CCDC148: variants seen among roughly 807,000 people sequenced by gnomAD.
CCDC148 encodes coiled-coil domain containing 148.
Under a neutral mutation model 85.7 loss-of-function variants are expected in CCDC148, and 89 were observed. That is an observed-to-expected ratio of 1.04 (90% CI 0.87 to 1.24). The LOEUF (loss-of-function observed/expected upper bound fraction) is 1.24, where lower values mean the gene tolerates loss of function less well. CCDC148 is among the 50% of genes most tolerant of loss of function. CCDC148 has a pLI of 0.00. For synonymous variants in CCDC148, 230 were observed against 213.9 expected (o/e 1.08, Z -0.66); for missense variants, 692 against 671.7 (o/e 1.03, Z -0.33).
At chr2:158,319,853 A>G (rs369519468) in intron 7 of CCDC148, among the ~76,000 whole-genome samples, 2 of 152,292 alleles carry the variant, frequency 1.3e-5, no homozygotes, top group African/African-American at 4.8e-5. Flanking sequence ...GGGCAGACCA[A>G]TGATGTTCAA....
At chr2:158,239,169 C>A (rs975906763) in intron 10 of CCDC148, among the ~76,000 whole-genome samples, 1 of 152,078 alleles carries the variant, frequency 6.6e-6, no homozygotes, top group South Asian at 2.1e-4. Context: ...AAGACCTAGC[C>A]AGAAAGTACA....
chr2:158,202,153 G>C (rs999072361), intron 11 of CCDC148, among the ~76,000 whole-genome samples: 1 of 152,174 alleles, frequency 6.6e-6, no homozygotes, highest in Non-Finnish European at 1.5e-5. Flanking sequence ...AGGTGGGAGA[G>C]AAAGAAAAAT....
intron 1 of CCDC148, among the ~76,000 whole-genome samples, chr2:158,436,017 C>CAAT (rs1475443382): frequency 6.6e-6 from 1 of 152,128 alleles, no homozygotes; most frequent in African/African-American, 2.4e-5. Context: ...GACCCCCACA[C>CAAT]AATAATAATG....
intron 1 of CCDC148, among the ~76,000 whole-genome samples, chr2:158,376,023 A>G (rs910492497): frequency 3.9e-5 from 6 of 152,116 alleles, no homozygotes; most frequent in African/African-American, 1.4e-4. Context: ...AAAATCCTCA[A>G]CTGAGATAGA....
chr2:158,189,126 A>C (rs1366853102), intron 11 of CCDC148, among the ~76,000 whole-genome samples: 1 of 151,930 alleles, frequency 6.6e-6, no homozygotes, highest in Non-Finnish European at 1.5e-5. Context: ...GAAAGGGAAC[A>C]CTTATACATT....
intron 9 of CCDC148, among the ~76,000 whole-genome samples, chr2:158,288,216 G>C (rs748231381): frequency 5.3e-5 from 8 of 152,196 alleles, no homozygotes; most frequent in Non-Finnish European, 1.0e-4. Context: ...CTGTTGTGAA[G>C]ACCTCTGACA....
chr2:158,417,929 T>G (rs1559131403), intron 1 of CCDC148, among the ~76,000 whole-genome samples: 1 of 152,230 alleles, frequency 6.6e-6, no homozygotes, highest in Non-Finnish European at 1.5e-5. Context: ...TGCATCATTC[T>G]GCTCTTATAA....
intron 7 of CCDC148, among the ~76,000 whole-genome samples, chr2:158,335,316 C>T (rs1303511179): frequency 6.6e-6 from 1 of 152,204 alleles, no homozygotes; most frequent in East Asian, 1.9e-4. Flanking sequence ...TAACCCTACT[C>T]ATTCTTCAAA....
intron 11 of CCDC148, among the ~76,000 whole-genome samples, chr2:158,203,651 T>C (rs776371797): frequency 6.6e-6 from 1 of 151,958 alleles, no homozygotes; most frequent in South Asian, 2.1e-4. Context: ...GGAGGACCAA[T>C]GTGTACAAGA....
In CCDC148 at chr2:158,340,388, C is replaced by T. The variant is rs746273981; in HGVS notation, c.340G>A (p.Glu114Lys). ...CLCDLTNFEQ[E>K]LSEQQCTYLK... ...TATGTGCACTGTTGTTCTGATAGCT[C>T]TTGCTCTATGGTGAAACAAAATTGA... The change falls in exon 5 of 14, where the codon GAG (glutamate) becomes AAG (lysine). Residue 114 changes from glutamate to lysine, a missense_variant. Glu to Lys is a moderately conservative substitution (Grantham distance 56). Transcript: ENST00000283233. 6 of 1,613,262 alleles carry T rather than the reference C, an allele frequency of 3.7e-6. No individual in the cohort carries two copies. The African/African-American group carries it at 5.3e-5, about 14-fold the overall frequency.
chr2:158,317,468 T>C (rs1692333974), intron 7 of CCDC148, among the ~76,000 whole-genome samples: 1 of 152,206 alleles, frequency 6.6e-6, no homozygotes, highest in Admixed American at 6.5e-5. Flanking sequence ...CATTTTATTA[T>C]GATTTCTCAG....
At chr2:158,409,452 G>A (rs934139957) in intron 1 of CCDC148, among the ~76,000 whole-genome samples, 5 of 152,220 alleles carry the variant, frequency 3.3e-5, no homozygotes, top group African/African-American at 1.2e-4. Context: ...AGAGCTTTAA[G>A]ATTTGACTGC....
At chr2:158,214,424 C>G (rs1436836116) in intron 11 of CCDC148, among the ~76,000 whole-genome samples, 1 of 152,052 alleles carries the variant, frequency 6.6e-6, no homozygotes, top group African/African-American at 2.4e-5. Flanking sequence ...ATATTTCAAA[C>G]TTTGTAGAAT....
At chr2:158,280,047 A>C (rs1000136340) in intron 9 of CCDC148, among the ~76,000 whole-genome samples, 1 of 151,942 alleles carries the variant, frequency 6.6e-6, no homozygotes, top group Non-Finnish European at 1.5e-5. Flanking sequence ...GTGAAGGAGA[A>C]ATAAAATCCT....
chr2:158,313,557 C>T (rs1269848899), intron 8 of CCDC148, among the ~76,000 whole-genome samples, 199 bp downstream of exon 8: 1 of 152,204 alleles, frequency 6.6e-6, no homozygotes, highest in African/African-American at 2.4e-5. Context: ...GAGGGGGCCC[C>T]CCACCTCGTT....
intron 2 of CCDC148, among the ~76,000 whole-genome samples, chr2:158,351,541 G>T (rs571776584): frequency 1.3e-5 from 2 of 152,180 alleles, no homozygotes; most frequent in Admixed American, 1.3e-4. Flanking sequence ...GGCGCATCAC[G>T]AGATTATATC....
intron 11 of CCDC148, among the ~76,000 whole-genome samples, chr2:158,184,268 A>G (rs931846525): frequency 1.3e-5 from 2 of 152,170 alleles, no homozygotes. Flanking sequence ...AGCCCCAAAC[A>G]GAGACCATTG....
intron 2 of CCDC148, among the ~76,000 whole-genome samples, chr2:158,353,753 C>A (rs1308693212): frequency 1.3e-5 from 2 of 152,152 alleles, no homozygotes; most frequent in African/African-American, 2.4e-5. Context: ...GAACTCTCCA[C>A]CCCAAATCAA....
At chr2:158,306,296 G>C (rs1349364574) in intron 9 of CCDC148, among the ~76,000 whole-genome samples, 2 of 152,120 alleles carry the variant, frequency 1.3e-5, no homozygotes, top group African/African-American at 4.8e-5. Flanking sequence ...GCTGAGGCAG[G>C]TGGATCATGA....
Sources: gnomAD v4.1 joint callset for allele counts (sites outside exome capture counted in the v4.1 genomes callset) on GRCh38, gnomAD v4.1.1 for gene constraint, MANE v1.5 for transcripts, NCBI Gene and HGNC (gene_info 2026-07-23, HGNC 2026-07-21) for gene names.